NEBL: variants seen among roughly 807,000 people sequenced by gnomAD.
NEBL encodes LIM and SH3 protein 2.
NEBL carries 122 observed loss-of-function variants against 140.2 expected under a neutral mutation model. That is an observed-to-expected ratio of 0.87 (90% CI 0.75 to 1.01). NEBL has a LOEUF of 1.01. NEBL is among the 50% of genes least tolerant of loss of function. The probability of loss-of-function intolerance (pLI) is 0.00; values close to 1 mark genes in which losing one functional copy is unlikely to be tolerated. For missense variants in NEBL, 1,365 were observed against 1,231.3 expected (o/e 1.11, Z -1.62); for synonymous variants, 436 against 398.9 (o/e 1.09, Z -1.11).
chr10:21,065,907 A>T (rs1835515304), intron 2 of NEBL, among the ~76,000 whole-genome samples: 1 of 152,236 alleles, frequency 6.6e-6, no homozygotes, highest in South Asian at 2.1e-4. Flanking sequence ...CAGAAATTGC[A>T]TCTGACAGGC....
At chr10:21,016,355 A>G (rs1838554946) in intron 3 of NEBL, among the ~76,000 whole-genome samples, 1 of 152,226 alleles carries the variant, frequency 6.6e-6, no homozygotes, top group Non-Finnish European at 1.5e-5. Context: ...ACAATCTGGC[A>G]CCTGATATAG....
chr10:21,180,231 T>C (rs1441036491), intron 3 of NEBL, among the ~76,000 whole-genome samples: 1 of 152,120 alleles, frequency 6.6e-6, no homozygotes, highest in Non-Finnish European at 1.5e-5. Flanking sequence ...AGATACTAAA[T>C]GTGTGCTTTT....
rs188743000 is a variant in NEBL at position 20,852,478 on chromosome 10, C to T, written c.1008+67G>A. 413 of 990,988 alleles carry T rather than the reference C, an allele frequency of 4.2e-4. 2 individuals carry two copies. The African/African-American group carries it at 5.4e-3, about 13-fold the overall frequency. 61.4% of individuals were successfully genotyped at this position (990,988 alleles called of 1,614,324 possible). On this transcript the variant is annotated intron_variant, in intron 10 of 27. Transcript: ENST00000377122. ...CTCAGTTAAGACGCACGGCAGTGAG[C>T]GGCGGGCCTCAGGATGGTTACGGGT... is the stretch of plus-strand genomic sequence containing the variant.
intron 3 of NEBL, among the ~76,000 whole-genome samples, chr10:21,207,548 C>T (rs1300109811): frequency 3.9e-5 from 6 of 152,116 alleles, no homozygotes; most frequent in African/African-American, 1.2e-4. Flanking sequence ...CTCCTTTCTC[C>T]ACCCTACTTT....
At chr10:20,882,292 AG>A (rs1846084286) in intron 4 of NEBL, among the ~76,000 whole-genome samples, 2 of 151,900 alleles carry the variant, frequency 1.3e-5, no homozygotes, top group Admixed American at 6.6e-5. Context: ...AAGCAAAGAA[AG>A]GAGACAAGGA....
chr10:21,200,512 C>T (rs1841718002), intron 3 of NEBL, among the ~76,000 whole-genome samples: 1 of 151,874 alleles, frequency 6.6e-6, no homozygotes, highest in Admixed American at 6.6e-5. Context: ...TGGGGTTTCA[C>T]CATATTGGTC....
chr10:20,989,968 A>G (rs2131682988), intron 3 of NEBL, among the ~76,000 whole-genome samples: 1 of 152,380 alleles, frequency 6.6e-6, no homozygotes, highest in African/African-American at 2.4e-5. Flanking sequence ...TGTGATGTTA[A>G]CATTGATAAA....
intron 3 of NEBL, among the ~76,000 whole-genome samples, chr10:20,978,185 TCCAA>T (rs1260192034): frequency 6.6e-6 from 1 of 152,196 alleles, no homozygotes; most frequent in Non-Finnish European, 1.5e-5. Flanking sequence ...TTCAAGTTTA[TCCAA>T]CCATAAATAT....
In NEBL at chr10:21,029,423, C is replaced by A; in HGVS notation, c.165-9222G>T. On this transcript the variant is annotated intron_variant, in intron 2 of 6. Transcript: ENST00000417816. ...GAGAGGTTGAAAGGTTTTGGTTATG[C>A]TGAATTTGAGGACCTGGATTCCCTG... 4 of 1,611,442 alleles carry A rather than the reference C, an allele frequency of 2.5e-6. No homozygotes were observed. In the South Asian group the frequency reaches 4.4e-5, roughly 18 times the overall value.
chr10:21,157,182 G>A (rs1328692598), intron 2 of NEBL, among the ~76,000 whole-genome samples: 2 of 151,988 alleles, frequency 1.3e-5, no homozygotes, highest in East Asian at 1.9e-4. Context: ...TGGTCAACTC[G>A]TAATTCAGAA....
At chr10:21,254,590 T>C (rs1588567266) in intron 1 of NEBL, among the ~76,000 whole-genome samples, 2 of 152,150 alleles carry the variant, frequency 1.3e-5, no homozygotes, top group African/African-American at 4.8e-5. Context: ...ATTACAGGTG[T>C]GCACCACCAC....
chr10:20,846,872 T>C (rs1227913669), intron 11 of NEBL, among the ~76,000 whole-genome samples: 1 of 151,986 alleles, frequency 6.6e-6, no homozygotes, highest in Non-Finnish European at 1.5e-5. Flanking sequence ...CTTTTGGGTA[T>C]GCTTTTTGAA....
intron 2 of NEBL, among the ~76,000 whole-genome samples, chr10:21,101,955 G>A (rs1301761727): frequency 6.6e-6 from 1 of 152,254 alleles, no homozygotes; most frequent in Non-Finnish European, 1.5e-5. Context: ...GTCCAAGACA[G>A]AGTAGAAGCC....
chr10:21,213,143 A>G (rs1841942621), intron 3 of NEBL, among the ~76,000 whole-genome samples: 1 of 152,220 alleles, frequency 6.6e-6, no homozygotes, highest in Non-Finnish European at 1.5e-5. Context: ...CCAAAGTTGG[A>G]TTGAAATGAT....
intron 26 of NEBL, among the ~76,000 whole-genome samples, chr10:20,806,853 C>T (rs1837659115): frequency 6.6e-6 from 1 of 152,134 alleles, no homozygotes; most frequent in Non-Finnish European, 1.5e-5. Flanking sequence ...TGGTACATTG[C>T]CTTTGGGAGA....
chr10:20,834,084 C>T (rs531411058), intron 14 of NEBL, among the ~76,000 whole-genome samples: 2 of 152,226 alleles, frequency 1.3e-5, no homozygotes, highest in Non-Finnish European at 2.9e-5. Flanking sequence ...TAAATGGTCA[C>T]ATATTCACAT....
chr10:20,995,053 A>G (rs1233710103), intron 3 of NEBL, among the ~76,000 whole-genome samples: 1 of 152,242 alleles, frequency 6.6e-6, no homozygotes, highest in East Asian at 1.9e-4. Flanking sequence ...CCAAAAGCCA[A>G]CCACAGACAT....
chr10:21,286,106 G>T (rs1468977874), intron 1 of NEBL, among the ~76,000 whole-genome samples: 1 of 152,066 alleles, frequency 6.6e-6, no homozygotes, highest in Non-Finnish European at 1.5e-5. Flanking sequence ...CTCTTTCTCA[G>T]CCTATCTGTG....
chr10:20,831,442 T>A, intron 15 of NEBL, 31 bp downstream of exon 15: 2 of 1,562,872 alleles, frequency 1.3e-6, no homozygotes, highest in South Asian at 1.1e-5. Context: ...ACGGCATTTA[T>A]TTTAAACTTT....
Sources: allele counts gnomAD v4.1 joint callset (sites outside exome capture counted in the v4.1 genomes callset), GRCh38; gene constraint gnomAD v4.1.1; transcripts MANE v1.5; gene names NCBI Gene and HGNC (gene_info 2026-07-23, HGNC 2026-07-21).